The following TENM3 variants were observed in gnomAD, a reference collection of about 807,000 sequenced individuals.
TENM3 encodes the protein teneurin transmembrane protein 3, also known as teneurin-3.
A neutral mutation model predicts 255.1 loss-of-function variants in TENM3; 63 were observed. The observed-to-expected ratio is 0.25, with a 90% CI of 0.20 to 0.30. TENM3 has a LOEUF of 0.30. TENM3 is among the 10% of genes least tolerant of loss of function. TENM3 has a pLI of 1.00. For missense variants in TENM3, 2,929 were observed against 3,461.1 expected, an observed-to-expected ratio of 0.85 and a Z score of 3.86; for synonymous variants, 1,306 against 1,322.3, an observed-to-expected ratio of 0.99 and a Z score of 0.27.
At chr4:182,397,686 C>A (rs951716975) in intron 3 of TENM3, among the ~76,000 whole-genome samples, 1 of 152,134 alleles carries the variant, frequency 6.6e-6, no homozygotes, top group Admixed American at 6.5e-5. Context: ...CAATATCATG[C>A]GCTAAACCAG....
chr4:182,378,978 G>A (rs535624309), intron 3 of TENM3, among the ~76,000 whole-genome samples: 29 of 152,232 alleles, frequency 1.9e-4, no homozygotes, highest in African/African-American at 7.0e-4. Context: ...GGTGCGTACC[G>A]TGGCCAGTAT....
the TENM3 span, among the ~76,000 whole-genome samples, chr4:181,657,480 A>G: frequency 6.6e-6 from 1 of 152,278 alleles, no homozygotes; most frequent in African/African-American, 2.4e-5. Flanking sequence ...ACCGTCTAAC[A>G]CCAGTCAGAA....
chr4:181,738,070 T>C, the TENM3 span, among the ~76,000 whole-genome samples: 6 of 152,106 alleles, frequency 3.9e-5, no homozygotes, highest in Non-Finnish European at 8.8e-5. Context: ...ACATAAATGA[T>C]GGGTTGCAAT....
At chr4:181,564,028 C>CTTTTTTTTTTTT in the TENM3 span, among the ~76,000 whole-genome samples, 2 of 94,714 alleles carry the variant, frequency 2.1e-5, no homozygotes, top group African/African-American at 4.2e-5. Flanking sequence ...CTTTTCTTTT[C>CTTTTTTTTTTTT]TTTTCTTTTT....
At chr4:182,067,743 C>T in the TENM3 span, among the ~76,000 whole-genome samples, 1 of 152,172 alleles carries the variant, frequency 6.6e-6, no homozygotes, top group Non-Finnish European at 1.5e-5. Flanking sequence ...CCTTGCTCTG[C>T]TCAGGGATTA....
the TENM3 span, among the ~76,000 whole-genome samples, chr4:181,529,086 A>C: frequency 2.2e-3 from 331 of 152,328 alleles, 3 homozygotes; most frequent in Middle Eastern, 6.8e-3. Flanking sequence ...TCACAGGTGA[A>C]AAAACTGAGG....
At chr4:181,705,662 T>C in the TENM3 span, among the ~76,000 whole-genome samples, 4 of 152,328 alleles carry the variant, frequency 2.6e-5, no homozygotes, top group African/African-American at 9.6e-5. Flanking sequence ...AACTAGGTGA[T>C]GGGTTGATAG....
the TENM3 span, among the ~76,000 whole-genome samples, chr4:181,479,205 T>C: frequency 2.0e-5 from 3 of 152,220 alleles, no homozygotes; most frequent in Non-Finnish European, 4.4e-5. Flanking sequence ...GCAAATATCA[T>C]GTTAGGTAAC....
At chr4:182,546,782 A>G (rs561018013) in intron 3 of TENM3, among the ~76,000 whole-genome samples, 14 of 152,188 alleles carry the variant, frequency 9.2e-5, no homozygotes, top group Non-Finnish European at 1.8e-4. Context: ...CAAGTTGCTT[A>G]TGGATAATCA....
In TENM3 at chr4:182,673,080, A is replaced by G; in HGVS notation, c.1187A>G (p.Gln396Arg). ...GELDIGRRAI[Q>R]EIPPGIFWRS... ...CTTGATATTGGCCGAAGAGCAATTC[A>G]AGAGATTCCTCCCGGGATCTTCTGG... Residue 396 changes from glutamine (Q) to arginine (R), a missense_variant, in exon 7 of 28, where the codon CAA (glutamine) becomes CGA (arginine). Physicochemically the swap from Gln to Arg is conservative, Grantham distance 43. Transcript: ENST00000511685. The G allele has an allele frequency of 1.9e-6, 3 of 1,612,506 alleles. No individual in the cohort carries two copies. The highest frequency in any genetic ancestry group is 2.5e-6 in the Non-Finnish European group (3 of 1,179,132).
intron 1 of TENM3, among the ~76,000 whole-genome samples, chr4:182,220,618 G>A (rs970869693): frequency 1.3e-5 from 2 of 152,122 alleles, no homozygotes; most frequent in African/African-American, 4.8e-5. Context: ...GAAGGTTCAT[G>A]CTTCTTGCTA....
At chr4:181,449,821 C>T in the TENM3 span, among the ~76,000 whole-genome samples, 1 of 152,072 alleles carries the variant, frequency 6.6e-6, no homozygotes, top group Non-Finnish European at 1.5e-5. Context: ...TAAATAACAA[C>T]ATATGATTAA....
chr4:182,168,577 G>T (rs998446672), intron 1 of TENM3, among the ~76,000 whole-genome samples: 1 of 152,170 alleles, frequency 6.6e-6, no homozygotes, highest in Non-Finnish European at 1.5e-5. Context: ...TCTGTTAAAA[G>T]AAATGAAAAA....
intron 1 of TENM3, among the ~76,000 whole-genome samples, chr4:182,207,651 A>G (rs1754675908): frequency 6.6e-6 from 1 of 152,218 alleles, no homozygotes; most frequent in African/African-American, 2.4e-5. Flanking sequence ...TAGTCTTTCT[A>G]AGAACTACTT....
At chr4:181,979,097 CATATATATAT>C in the TENM3 span, among the ~76,000 whole-genome samples, 882 of 30,104 alleles carry the variant, frequency 0.029, 21 homozygotes, top group Non-Finnish European at 0.037. Flanking sequence ...TTAAGCCTGA[CATATATATAT>C]ATATATATAT....
the TENM3 span, among the ~76,000 whole-genome samples, chr4:181,487,001 T>C: frequency 6.6e-6 from 1 of 152,140 alleles, no homozygotes; most frequent in African/African-American, 2.4e-5. Context: ...TAGCCAAAAA[T>C]ACATAAATAA....
intron 3 of TENM3, among the ~76,000 whole-genome samples, chr4:182,560,543 A>T (rs1743057044): frequency 6.6e-6 from 1 of 152,190 alleles, no homozygotes; most frequent in South Asian, 2.1e-4. Context: ...AGAGAGGCAA[A>T]GGCACAGTTT....
chr4:182,660,359 G>A (rs1754128138), intron 6 of TENM3, among the ~76,000 whole-genome samples: 1 of 152,192 alleles, frequency 6.6e-6, no homozygotes, highest in Non-Finnish European at 1.5e-5. Flanking sequence ...GTATAGAATA[G>A]TGGCTAAGAA....
the TENM3 span, among the ~76,000 whole-genome samples, chr4:181,477,531 A>G: frequency 6.6e-6 from 1 of 152,190 alleles, no homozygotes; most frequent in Non-Finnish European, 1.5e-5. Context: ...TTGAATACCC[A>G]CAACTCTTAC....
Sources: gnomAD v4.1 joint callset for allele counts (sites outside exome capture counted in the v4.1 genomes callset) on GRCh38, gnomAD v4.1.1 for gene constraint, MANE v1.5 for transcripts, NCBI Gene and HGNC (gene_info 2026-07-23, HGNC 2026-07-21) for gene names.